Variants in LDLRAD3 observed in about 807,000 individuals in gnomAD.
LDLRAD3 encodes low-density lipoprotein receptor class A domain-containing protein 3.
Under a neutral mutation model 29.4 loss-of-function variants are expected in LDLRAD3, and 20 were observed. The ratio of observed to expected loss-of-function variants is 0.68; its 90% confidence interval spans 0.48 to 0.99. The LOEUF (loss-of-function observed/expected upper bound fraction) is 0.99. Ranked by LOEUF, LDLRAD3 falls within the 50% of genes least tolerant of loss-of-function variation. The pLI, the probability that LDLRAD3 is intolerant of heterozygous loss-of-function variation, is 0.00. For missense variants in LDLRAD3, 420 were observed against 454.3 expected, an observed-to-expected ratio of 0.92 and a Z score of 0.69; for synonymous variants, 157 against 192.7, an observed-to-expected ratio of 0.81 and a Z score of 1.53.
rs186887311 is a variant in LDLRAD3 at position 36,043,457 on chromosome 11, T to C, written c.193+7208T>C. On this transcript the variant is annotated intron_variant, in intron 2 of 5. Coordinates refer to ENST00000315571, the MANE Select transcript of LDLRAD3 (RefSeq NM_174902.4). Reference sequence around the variant, plus strand: ...TCACTGTTATGGGTCAAATTGTATCTTCCAAAAGGATATAGGATATGTTGA... The same window carrying C: ...TCACTGTTATGGGTCAAATTGTATCCTCCAAAAGGATATAGGATATGTTGA... 1.1e-3 allele frequency among the ~76,000 whole-genome samples: 174 copies of C among 152,356 alleles called. 1 individual carries two copies. The highest frequency in any genetic ancestry group is 3.9e-3 in the African/African-American group (163 of 41,578).
intron 2 of LDLRAD3, among the ~76,000 whole-genome samples, chr11:36,055,066 G>GATGAATGGATGGATGGATGC (rs1852598384): frequency 1.6e-4 from 1 of 6,352 alleles, no homozygotes; most frequent in Non-Finnish European, 3.4e-4. Flanking sequence ...TGAATGGGTG[G>GATGAATGGATGGATGGATGC]ATGGATAGAT....
intron 2 of LDLRAD3, among the ~76,000 whole-genome samples, chr11:36,045,802 C>G (rs1007874228): frequency 4.9e-5 from 7 of 143,290 alleles, no homozygotes; most frequent in African/African-American, 1.8e-4. Flanking sequence ...ATGGTAAGTT[C>G]TTTTTAAATT....
At chr11:36,138,450 A>G (rs1418539461) in intron 4 of LDLRAD3, among the ~76,000 whole-genome samples, 2 of 152,178 alleles carry the variant, frequency 1.3e-5, no homozygotes, top group Non-Finnish European at 2.9e-5. Flanking sequence ...TGACAAACAT[A>G]TTGGTGGAGG....
At chr11:36,112,603 C>G (rs1853620855) in intron 4 of LDLRAD3, among the ~76,000 whole-genome samples, 1 of 152,218 alleles carries the variant, frequency 6.6e-6, no homozygotes, top group Non-Finnish European at 1.5e-5. Flanking sequence ...CTAGGCTAGT[C>G]TGTTTATCAG....
intron 1 of LDLRAD3, among the ~76,000 whole-genome samples, chr11:35,979,199 G>A (rs147999033): frequency 1.3e-5 from 2 of 152,120 alleles, no homozygotes; most frequent in Admixed American, 6.6e-5. Context: ...CAGGCATGTG[G>A]TTTTTCCTTT....
At chr11:35,957,032 C>T (rs1031627070) in intron 1 of LDLRAD3, among the ~76,000 whole-genome samples, 3 of 152,184 alleles carry the variant, frequency 2.0e-5, no homozygotes, top group East Asian at 1.9e-4. Flanking sequence ...GGATTACAGG[C>T]GTGAGACACT....
chr11:36,219,712 A>G (rs991889718), intron 4 of LDLRAD3, among the ~76,000 whole-genome samples: 1 of 152,274 alleles, frequency 6.6e-6, no homozygotes, highest in Non-Finnish European at 1.5e-5. Flanking sequence ...CTTCTAAACA[A>G]TGATTTAGGG....
chr11:35,964,520 G>T (rs1174013553), intron 1 of LDLRAD3, among the ~76,000 whole-genome samples: 1 of 152,158 alleles, frequency 6.6e-6, no homozygotes, highest in African/African-American at 2.4e-5. Context: ...CTTGCTCAGG[G>T]CTCTGTTTGG....
chr11:36,199,360 CA>C (rs1449412973), intron 4 of LDLRAD3, among the ~76,000 whole-genome samples: 2 of 152,164 alleles, frequency 1.3e-5, no homozygotes, highest in Non-Finnish European at 2.9e-5. Flanking sequence ...GCTCAGATCA[CA>C]AAAGTCACCT....
At chr11:36,036,867 C>T (rs1458414992) in intron 2 of LDLRAD3, among the ~76,000 whole-genome samples, 2 of 152,156 alleles carry the variant, frequency 1.3e-5, no homozygotes, top group East Asian at 3.9e-4. Flanking sequence ...TCCCACCCCA[C>T]CTCCTTTTCT....
intron 3 of LDLRAD3, among the ~76,000 whole-genome samples, chr11:36,090,682 C>T (rs1010526306): frequency 2.0e-5 from 3 of 152,132 alleles, no homozygotes; most frequent in Non-Finnish European, 2.9e-5. Flanking sequence ...TTAAAATCCT[C>T]GAGTCCTTAG....
Position 36,097,744 on chromosome 11 carries a change from C to G in LDLRAD3, c.320-583C>G, listed in dbSNP as rs149107423. ...ATGTACTGCACTTGAGTAATGGACA[C>G]CTGAATACCCTGACTTGATCACATC... On this transcript the variant is annotated intron_variant, in intron 3 of 5. Coordinates refer to ENST00000315571, the MANE Select transcript of LDLRAD3 (RefSeq NM_174902.4). Among the ~76,000 whole-genome samples, 1,512 of 152,186 alleles carry G rather than the reference C, an allele frequency of 9.9e-3. 26 individuals carry two copies. Among genetic ancestry groups the G allele is most frequent in the African/African-American group, 0.032 (1,341 of 41,526 alleles).
At chr11:36,028,733 A>G (rs1852198297) in intron 1 of LDLRAD3, among the ~76,000 whole-genome samples, 1 of 152,164 alleles carries the variant, frequency 6.6e-6, no homozygotes, top group African/African-American at 2.4e-5. Context: ...AATATTTTGA[A>G]TTTAATCAAT....
At chr11:36,175,178 A>T (rs1854657802) in intron 4 of LDLRAD3, among the ~76,000 whole-genome samples, 1 of 152,136 alleles carries the variant, frequency 6.6e-6, no homozygotes, top group African/African-American at 2.4e-5. Flanking sequence ...TTCATTCTTA[A>T]TTGAACCTAT....
intron 4 of LDLRAD3, among the ~76,000 whole-genome samples, chr11:36,160,210 T>C (rs1448539659): frequency 6.6e-6 from 1 of 152,038 alleles, no homozygotes; most frequent in Non-Finnish European, 1.5e-5. Context: ...TCCAGCTTGC[T>C]GTTTTGTGGG....
intron 1 of LDLRAD3, among the ~76,000 whole-genome samples, chr11:35,994,876 A>T (rs960726216): frequency 2.6e-5 from 4 of 152,252 alleles, no homozygotes; most frequent in African/African-American, 9.6e-5. Flanking sequence ...CTCCTCATCC[A>T]TTAAATTTGT....
rs1209065972 is a variant in LDLRAD3, at chr11:35,944,273, G to A, written c.46+129G>A. 6 of 459,510 alleles carry A rather than the reference G, an allele frequency of 1.3e-5. No individual in the cohort carries two copies. Among genetic ancestry groups the A allele is most frequent in the African/African-American group, 2.1e-5 (1 of 47,008 alleles). The allele number at this position is 459,510 out of a possible 1,614,324, so 28.5% of individuals were successfully genotyped here. A position where few individuals can be genotyped will look rare whatever the true frequency, so the allele number is the denominator to read the frequency against. On this transcript the variant is annotated intron_variant, in intron 1 of 5. Coordinates refer to ENST00000315571, the MANE Select transcript of LDLRAD3 (RefSeq NM_174902.4). This position sits in a 1 kb window ranked among gnomAD's most constrained non-coding sequence, Gnocchi z 4.9. Reference sequence around the variant, plus strand: ...CTCCGGGCGTGGGTGAGCGCGGAGGGCGGACCCCGGCGCCGGGCTGGCCCG... The same window carrying A: ...CTCCGGGCGTGGGTGAGCGCGGAGGACGGACCCCGGCGCCGGGCTGGCCCG...
chr11:36,086,132 T>C (rs1392371744), intron 3 of LDLRAD3, among the ~76,000 whole-genome samples: 2 of 152,222 alleles, frequency 1.3e-5, no homozygotes, highest in Non-Finnish European at 2.9e-5. Flanking sequence ...CTTTCTTTGC[T>C]GAGACTTTCT....
chr11:36,154,918 A>G (rs1854326665), intron 4 of LDLRAD3, among the ~76,000 whole-genome samples: 2 of 152,048 alleles, frequency 1.3e-5, no homozygotes, highest in African/African-American at 2.4e-5. Flanking sequence ...GGCCCAGTCC[A>G]TCTGTCTGTC....
Sources: gnomAD v4.1 joint callset for allele counts (sites outside exome capture counted in the v4.1 genomes callset) on GRCh38, gnomAD v4.1.1 for gene constraint, Gnocchi (gnomAD v3.1) non-coding constraint, MANE v1.5 for transcripts, NCBI Gene and HGNC (gene_info 2026-07-23, HGNC 2026-07-21) for gene names.